The following STK10 variants were observed in gnomAD, a reference collection of about 807,000 sequenced individuals.
STK10 encodes the protein serine/threonine-protein kinase 10.
STK10 carries 78 observed loss-of-function variants against 113.8 expected under a neutral mutation model. The observed-to-expected ratio is 0.69, with a 90% confidence interval of 0.57 to 0.83. STK10 has a LOEUF of 0.83. STK10 is among the 40% of genes least tolerant of loss of function. STK10 has a pLI of 0.00. For synonymous variants in STK10, 465 were observed against 494.7 expected, an observed-to-expected ratio of 0.94 and a Z score of 0.80; for missense variants, 1,109 against 1,280.1, an observed-to-expected ratio of 0.87 and a Z score of 2.04.
At chr5:172,071,280 AAGTTT>A in intron 12 of STK10, among the ~76,000 whole-genome samples, 1 of 137,162 alleles carries the variant, frequency 7.3e-6, no homozygotes, top group Non-Finnish European at 1.6e-5. Flanking sequence ...TAACAATGAA[AAGTTT>A]AAAAAAAAAA....
rs774920420 is a variant in STK10 at position 172,093,726 on chromosome 5, G to A, written c.1240C>T (p.Arg414Ter). The change falls in exon 9 of 19, where the codon CGA (arginine) becomes TGA (stop). Residue 414 changes from arginine (R) to a stop codon, truncating the protein, a stop_gained. Transcript: ENST00000176763. LOFTEE classifies it high-confidence loss of function. The surrounding 1 kb of genome is among the most constrained non-coding windows in gnomAD (Gnocchi z 4.1). ...LAVPVPLRKS[R>*]PVSMDARIQV... is the part of the protein sequence containing the mutation. ...ATTCTGGCATCCATTGACACGGGTC[G>A]GGACTTCCGCAGGGGCACAGGCACT... 2.0e-5 allele frequency: 33 copies of A among 1,614,022 alleles called. No homozygotes were observed. In the South Asian group the frequency reaches 3.0e-4, roughly 14 times the overall value.
chr5:172,081,703 T>C (rs1768434280), intron 12 of STK10, among the ~76,000 whole-genome samples: 1 of 152,160 alleles, frequency 6.6e-6, no homozygotes, highest in African/African-American at 2.4e-5. Context: ...AGGCTGCTCA[T>C]CCACTGCTAC....
intron 12 of STK10, among the ~76,000 whole-genome samples, chr5:172,075,162 C>G (rs1768281576): frequency 6.7e-6 from 1 of 150,112 alleles, no homozygotes; most frequent in Admixed American, 6.6e-5. Flanking sequence ...AGACCAAGAC[C>G]CTGTCAAAAA....
chr5:172,073,992 G>T (rs1040321398), intron 12 of STK10, among the ~76,000 whole-genome samples: 6 of 150,196 alleles, frequency 4.0e-5, no homozygotes, highest in Non-Finnish European at 8.9e-5. Flanking sequence ...ATAATAATTC[G>T]AATATAAATA....
intron 1 of STK10, among the ~76,000 whole-genome samples, chr5:172,174,817 A>G (rs912429715): frequency 6.6e-6 from 1 of 152,096 alleles, no homozygotes; most frequent in Non-Finnish European, 1.5e-5. Context: ...GGAAGCAGAA[A>G]GGAGCTGCGC....
Position 172,080,972 on chromosome 5 carries a change from T to A in STK10, c.1989+1354A>T, listed in dbSNP as rs113914672. On this transcript the variant is annotated intron_variant, in intron 12 of 18. Transcript: ENST00000176763. ...GGCTTCAAAGCTTCAAAGGACAGGC[T>A]GACTCTCTTGTTAGGGTTTCATGCT... Among the ~76,000 whole-genome samples the A allele has an allele frequency of 2.5e-3, 381 of 152,338 alleles. 2 individuals carry two copies. Among genetic ancestry groups the A allele is most frequent in the African/African-American group, 8.5e-3 (352 of 41,584 alleles).
At position 172,117,612 on chromosome 5, in the gene STK10, G is replaced by T. The variant is rs72841792; in HGVS notation, c.389C>A (p.Thr130Lys). 7 of 1,614,040 alleles carry T rather than the reference G, an allele frequency of 4.3e-6. No homozygotes were observed. The highest frequency in any genetic ancestry group is 2.7e-5 in the African/African-American group (2 of 75,024). The change falls in exon 4 of 19, where the codon ACG (threonine) becomes AAG (lysine). Residue 130 changes from threonine (T) to lysine (K), a missense_variant. Transcript: ENST00000176763. The stretch of plus-strand genomic sequence containing the variant: ...GCAAACCACCTGTATCTGGGGCTCC[G>T]TGAGGCCTCTGTCCAGCTCTGGAAA... The part of the protein sequence containing the change: ...AIMLELDRGL[T>K]EPQIQVVCRQ...
intron 15 of STK10, 118 bp downstream of exon 15, chr5:172,057,231 T>C (rs553130892): frequency 5.5e-6 from 8 of 1,455,232 alleles, no homozygotes; most frequent in African/African-American, 2.8e-5. Flanking sequence ...CTGGCTCCTC[T>C]TGGGGGCACT....
intron 1 of STK10, among the ~76,000 whole-genome samples, chr5:172,171,580 GGC>G (rs1397854028): frequency 6.6e-6 from 1 of 152,130 alleles, no homozygotes; most frequent in Non-Finnish European, 1.5e-5. Context: ...CGGGCATGGT[GGC>G]ACACTCCTGT....
intron 2 of STK10, among the ~76,000 whole-genome samples, chr5:172,140,375 C>G (rs977106474): frequency 3.9e-5 from 6 of 152,168 alleles, no homozygotes; most frequent in African/African-American, 1.4e-4. Flanking sequence ...CTATAGAAAA[C>G]AGTATGGAAG....
chr5:172,148,371 C>A (rs1308373016), intron 2 of STK10, among the ~76,000 whole-genome samples: 1 of 152,076 alleles, frequency 6.6e-6, no homozygotes, highest in Admixed American at 6.5e-5. Context: ...AGGACAAGGT[C>A]AGATGGTGCA....
chr5:172,164,766 G>C (rs1770534676), intron 1 of STK10, among the ~76,000 whole-genome samples: 1 of 152,302 alleles, frequency 6.6e-6, no homozygotes, highest in South Asian at 2.1e-4. Context: ...TGAGGCCCAC[G>C]TGGGAGTTGG....
intron 18 of STK10, among the ~76,000 whole-genome samples, chr5:172,048,048 A>G (rs775504773): frequency 7.5e-4 from 114 of 151,984 alleles, no homozygotes; most frequent in Admixed American, 1.2e-3. Context: ...GATTACAGGC[A>G]TGCGCCACTG....
intron 2 of STK10, among the ~76,000 whole-genome samples, chr5:172,151,633 T>C (rs10065266): frequency 0.57 from 86,675 of 151,758 alleles, 26,988 homozygotes; most frequent in African/African-American, 0.85. Context: ...CGTGAGCCAC[T>C]GCGCCCGGCC....
intron 3 of STK10, among the ~76,000 whole-genome samples, chr5:172,124,443 G>A (rs1769578681): frequency 6.6e-6 from 1 of 152,036 alleles, no homozygotes; most frequent in African/African-American, 2.4e-5. Context: ...CCCCCCAAAT[G>A]ATAATCTTCA....
chr5:172,171,334 C>A (rs539972010), intron 1 of STK10, among the ~76,000 whole-genome samples: 1 of 152,268 alleles, frequency 6.6e-6, no homozygotes, highest in African/African-American at 2.4e-5. Flanking sequence ...GCCTTTTATA[C>A]CTTTACATAA....
chr5:172,136,283 G>T lies in STK10; in HGVS notation c.322-8862C>A, dbSNP rs56010477. Among the ~76,000 whole-genome samples, 338 of 152,268 alleles carry T rather than the reference G, an allele frequency of 2.2e-3. 1 individual carries two copies. The highest frequency in any genetic ancestry group is 3.4e-3 in the Middle Eastern group (1 of 294). On this transcript the variant is annotated intron_variant, in intron 2 of 18. Transcript: ENST00000176763. ...GACCTGAATAGATGTAACTTCTAAG[G>T]AGACTGAACAGTAATTTAAAACCTC...
At chr5:172,169,388 G>A (rs905137264) in intron 1 of STK10, among the ~76,000 whole-genome samples, 17 of 152,124 alleles carry the variant, frequency 1.1e-4, no homozygotes, top group African/African-American at 3.9e-4. Flanking sequence ...GGGCAGACAA[G>A]CACATGGAGG....
intron 2 of STK10, among the ~76,000 whole-genome samples, chr5:172,138,355 C>G (rs185043462): frequency 1.3e-5 from 2 of 152,224 alleles, no homozygotes; most frequent in African/African-American, 4.8e-5. Context: ...AATTCTTGAC[C>G]TTGTGATCCG....
Sources: gnomAD v4.1 joint callset for allele counts (sites outside exome capture counted in the v4.1 genomes callset) on GRCh38, gnomAD v4.1.1 for gene constraint, Gnocchi (gnomAD v3.1) non-coding constraint, MANE v1.5 for transcripts, NCBI Gene and HGNC (gene_info 2026-07-23, HGNC 2026-07-21) for gene names.